MGA: variants seen among roughly 807,000 people sequenced by gnomAD.
MGA encodes MAX dimerization protein MGA.
Under a neutral mutation model 261.1 loss-of-function variants are expected in MGA, and 40 were observed. The ratio of observed to expected loss-of-function variants is 0.15; its 90% CI spans 0.12 to 0.20. The LOEUF (loss-of-function observed/expected upper bound fraction) is 0.20. Ranked by LOEUF, MGA falls within the 10% of genes least tolerant of loss-of-function variation. The pLI is 1.00. For synonymous variants in MGA, 1,302 were observed against 1,290.6 expected, an observed-to-expected ratio of 1.01 and a Z score of -0.19; for missense variants, 3,397 against 3,630.5, an observed-to-expected ratio of 0.94 and a Z score of 1.65.
intron 15 of MGA, among the ~76,000 whole-genome samples, chr15:41,747,027 G>A (rs1176919062): frequency 1.3e-5 from 2 of 149,502 alleles, no homozygotes; most frequent in East Asian, 3.9e-4. Context: ...TTAGTATTTC[G>A]AAATATGTCT....
In MGA at chr15:41,696,656, C is replaced by T; in HGVS notation, c.1646C>T (p.Pro549Leu). 1.9e-6 allele frequency: 3 copies of T among 1,612,976 alleles called. No individual in the cohort carries two copies. The highest frequency in any genetic ancestry group is 2.5e-6 in the Non-Finnish European group (3 of 1,179,438). ...CAAAAATATCCCTTACTGAAAGAGCCTCAGTGGAAATATCCTGATATATCT... is the reference window on the plus strand; with the variant it reads ...CAAAAATATCCCTTACTGAAAGAGCTTCAGTGGAAATATCCTGATATATCT... The change falls in exon 3 of 24, where the codon CCT (proline) becomes CTT (leucine). Residue 549 changes from proline (P) to leucine (L), a missense_variant. By Grantham distance (98) the Pro-to-Leu change is moderately conservative (BLOSUM62 -3). Transcript: ENST00000219905.
chr15:41,699,399 A>G (rs1284309837), intron 5 of MGA, among the ~76,000 whole-genome samples: 1 of 152,232 alleles, frequency 6.6e-6, no homozygotes, highest in Non-Finnish European at 1.5e-5. Context: ...AAAAAAATGT[A>G]TCATGGTAAA....
intron 9 of MGA, chr15:41,718,330 T>A (rs1025880842): frequency 4.8e-5 from 14 of 288,674 alleles, no homozygotes; most frequent in African/African-American, 2.9e-4. Context: ...TACATATATA[T>A]ATACATGTAT....
At chr15:41,737,993 C>T (rs948080511) in intron 13 of MGA, among the ~76,000 whole-genome samples, 9 of 150,866 alleles carry the variant, frequency 6.0e-5, no homozygotes, top group African/African-American at 1.9e-4. Context: ...AAAAAAAGTG[C>T]ACTTTTATAT....
chr15:41,623,045 C>A (rs1012489216), intron 1 of MGA, among the ~76,000 whole-genome samples: 3 of 152,156 alleles, frequency 2.0e-5, no homozygotes, highest in Non-Finnish European at 4.4e-5. Flanking sequence ...TCATTTAGTT[C>A]TCATAACAAA....
chr15:41,719,902 ATAT>A (rs1474638963), intron 9 of MGA, among the ~76,000 whole-genome samples: 2 of 152,210 alleles, frequency 1.3e-5, no homozygotes, highest in Non-Finnish European at 2.9e-5. Context: ...TGAGATTATG[ATAT>A]TAATGAATTA....
At chr15:41,727,136 T>C in intron 9 of MGA, 44 bp from the exon 10 acceptor site, 1 of 1,510,472 alleles carries the variant, frequency 6.6e-7, no homozygotes. Flanking sequence ...ATTGATCTTT[T>C]GTTGCCAAAA....
chr15:41,628,935 C>T (rs947748627), intron 1 of MGA, among the ~76,000 whole-genome samples: 3 of 151,836 alleles, frequency 2.0e-5, no homozygotes, highest in East Asian at 1.9e-4. Flanking sequence ...GTCAGGAGAT[C>T]GAGACCATCC....
intron 2 of MGA, among the ~76,000 whole-genome samples, chr15:41,673,249 G>A (rs1214831724): frequency 6.6e-6 from 1 of 150,984 alleles, no homozygotes; most frequent in Admixed American, 6.6e-5. Flanking sequence ...ACAGAGTCTT[G>A]CCCTGTTGCC....
At chr15:41,677,339 G>A (rs1172980392) in intron 2 of MGA, among the ~76,000 whole-genome samples, 2 of 152,186 alleles carry the variant, frequency 1.3e-5, no homozygotes, top group South Asian at 2.1e-4. Flanking sequence ...GTGGGGTTTC[G>A]CCATGTTGGC....
At chr15:41,659,994 T>C (rs1055736387), upstream of MGA, among the ~76,000 whole-genome samples, 1 of 152,092 alleles carries the variant, frequency 6.6e-6, no homozygotes, top group African/African-American at 2.4e-5. Context: ...GACGGGCTTG[T>C]GGAGGTTGGG....
intron 2 of MGA, among the ~76,000 whole-genome samples, chr15:41,670,949 A>G (rs1201190056): frequency 6.6e-6 from 1 of 152,206 alleles, no homozygotes; most frequent in East Asian, 1.9e-4. Flanking sequence ...CCTTATATAG[A>G]TAAGTTTTGT....
At chr15:41,748,613 ATG>A in intron 15 of MGA, 22 bp from the exon 16 acceptor site, 1 of 1,602,616 alleles carries the variant, frequency 6.2e-7, no homozygotes, top group Non-Finnish European at 8.5e-7. Flanking sequence ...TTTGGGTACC[ATG>A]TTTCCATTTC....
intron 2 of MGA, among the ~76,000 whole-genome samples, chr15:41,682,598 A>AG: frequency 6.6e-6 from 1 of 152,236 alleles, no homozygotes; most frequent in East Asian, 1.9e-4. Flanking sequence ...CTCCTGCCTC[A>AG]GCCTCCCAAG....
intron 11 of MGA, among the ~76,000 whole-genome samples, chr15:41,733,514 C>T (rs888510637): frequency 6.6e-6 from 1 of 152,200 alleles, no homozygotes; most frequent in Non-Finnish European, 1.5e-5. Context: ...GGGGGCTCCA[C>T]CTTCGCTTGT....
chr15:41,708,562 G>A (rs779219068), intron 7 of MGA, among the ~76,000 whole-genome samples: 7 of 152,252 alleles, frequency 4.6e-5, no homozygotes, highest in African/African-American at 7.2e-5. Context: ...CAGGTGATCC[G>A]TCCGCCTCGG....
Position 41,762,460 on chromosome 15 carries a change from GGTTTTTTTT to G in MGA, c.7744+99_7744+107del, listed in dbSNP as rs1346546039. On this transcript the variant is annotated intron_variant, in intron 22 of 23. Coordinates refer to ENST00000219905, the MANE Select transcript of MGA (RefSeq NM_001164273.2). ...CTTGTCCACATTTTTAGTTTTGTGT[GGTTTTTTTT>G]TTTTTTTTTTTTTTTTTTTTTTGGA... The G allele has an allele frequency of 3.2e-3, 601 of 190,526 alleles. 6 individuals are homozygous for G. The highest frequency in any genetic ancestry group is 0.023 in the African/African-American group (552 of 23,900). 11.8% of individuals were successfully genotyped at this position (190,526 alleles called of 1,614,324 possible).
At chr15:41,656,347 T>TCC (rs1254807287), upstream of MGA, among the ~76,000 whole-genome samples, 1 of 83,134 alleles carries the variant, frequency 1.2e-5, no homozygotes, top group Non-Finnish European at 3.3e-5. Context: ...TCCTCTCTTC[T>TCC]CTCTCTCTCT....
At chr15:41,626,970 T>C (rs986945058) in intron 1 of MGA, among the ~76,000 whole-genome samples, 1 of 152,136 alleles carries the variant, frequency 6.6e-6, no homozygotes, top group African/African-American at 2.4e-5. Context: ...GTTCAAGTGA[T>C]CCTCCCACTT....
Sources: gnomAD v4.1 joint callset for allele counts (sites outside exome capture counted in the v4.1 genomes callset) on GRCh38, gnomAD v4.1.1 for gene constraint, MANE v1.5 for transcripts, NCBI Gene and HGNC (gene_info 2026-07-23, HGNC 2026-07-21) for gene names.